The following ZNF106 variants were observed in gnomAD, a reference collection of about 807,000 sequenced individuals.
ZNF106 encodes SH3-domain binding protein 3.
A neutral mutation model predicts 195.1 loss-of-function variants in ZNF106; 67 were observed. The ratio of observed to expected loss-of-function variants is 0.34; its 90% confidence interval spans 0.28 to 0.42. The LOEUF (loss-of-function observed/expected upper bound fraction) is 0.42, where lower values mean the gene tolerates loss of function less well. Ranked by LOEUF, ZNF106 falls within the 10% of genes least tolerant of loss-of-function variation. The probability of loss-of-function intolerance (pLI) is 1.00; values close to 1 mark genes in which losing one functional copy is unlikely to be tolerated. For missense variants in ZNF106, 2,118 were observed against 2,304.5 expected (o/e 0.92, Z 1.66); for synonymous variants, 784 against 818.6 (o/e 0.96, Z 0.72).
At chr15:42,434,945 GTATT>G (rs897947081) in intron 14 of ZNF106, among the ~76,000 whole-genome samples, 5 of 151,810 alleles carry the variant, frequency 3.3e-5, no homozygotes, top group Admixed American at 2.6e-4. Context: ...GGCTAATTTT[GTATT>G]TTTAGTAGAG....
chr15:42,449,321 T>C (rs1007112698), intron 5 of ZNF106, among the ~76,000 whole-genome samples: 5 of 152,194 alleles, frequency 3.3e-5, no homozygotes, highest in Admixed American at 6.5e-5. Context: ...ATAAAGATAA[T>C]GCCCAGAGTA....
Position 42,438,632 on chromosome 15 carries a change from T to A in ZNF106, c.4580A>T (p.Lys1527Ile). 1 of 1,613,794 alleles carries A rather than the reference T, an allele frequency of 6.2e-7. No individual in the cohort carries two copies. Among genetic ancestry groups the A allele is most frequent in the Non-Finnish European group, 8.5e-7 (1 of 1,179,802 alleles). The change falls in exon 12 of 22, where the codon AAA (lysine) becomes ATA (isoleucine). Residue 1527 changes from lysine (K) to isoleucine (I), a missense_variant. Coordinates refer to ENST00000564754, the MANE Select transcript of ZNF106 (RefSeq NM_001366845.3). ...AETQTVISSI[K>I]GSKNSSEISS... ...AATACCTGAAGAATTCTTTGATCCT[T>A]TTATGGAGGAGATCACAGTCTGAGT...
At chr15:42,459,139 T>G (rs747537020) in intron 3 of ZNF106, among the ~76,000 whole-genome samples, 2 of 152,160 alleles carry the variant, frequency 1.3e-5, no homozygotes, top group Non-Finnish European at 2.9e-5. Flanking sequence ...ACATTATTTT[T>G]ACTGAGGGTT....
intron 5 of ZNF106, 39 bp downstream of exon 5, chr15:42,449,732 A>G: frequency 6.4e-7 from 1 of 1,564,080 alleles, no homozygotes; most frequent in Non-Finnish European, 8.6e-7. Flanking sequence ...ACTTTAAAAG[A>G]AAGTGAGGAA....
chr15:42,423,647 G>A (rs1479216784), intron 17 of ZNF106, among the ~76,000 whole-genome samples: 1 of 152,102 alleles, frequency 6.6e-6, no homozygotes, highest in Non-Finnish European at 1.5e-5. Context: ...TGAGTAGCTG[G>A]CATTACAGGT....
intron 14 of ZNF106, among the ~76,000 whole-genome samples, chr15:42,434,332 A>AAAAC (rs532640462): frequency 8.5e-5 from 13 of 152,182 alleles, no homozygotes; most frequent in African/African-American, 3.1e-4. Flanking sequence ...TAAAAAACAA[A>AAAAC]AAACAAACAA....
At position 42,439,816 on chromosome 15, in the gene ZNF106, G is replaced by A; in HGVS notation, c.3764-3C>T. The stretch of plus-strand genomic sequence containing the variant: ...TGGACAACTGTCACTGATCTCTCCT[G>A]AATTGAGAGGAAAAAAATTATTGCA... On this transcript the variant is annotated splice_region_variant and splice_polypyrimidine_tract_variant and intron_variant, in intron 10 of 21. Coordinates refer to ENST00000564754, the MANE Select transcript of ZNF106 (RefSeq NM_001366845.3). 2.0e-6 allele frequency: 3 copies of A among 1,501,690 alleles called. No homozygotes were observed. Among genetic ancestry groups the A allele is most frequent in the Non-Finnish European group, 1.8e-6 (2 of 1,129,774 alleles). The allele number at this position is 1,501,690 out of a possible 1,614,324, so 93.0% of individuals were successfully genotyped here.
Position 42,417,285 on chromosome 15 carries a change from A to G in ZNF106, c.*19T>C, listed in dbSNP as rs2054490073. The G allele has an allele frequency of 1.2e-6, 2 of 1,614,068 alleles. No homozygotes were observed. Among genetic ancestry groups the G allele is most frequent in the South Asian group, 2.2e-5 (2 of 91,086 alleles). On this transcript the variant is annotated 3_prime_UTR_variant, in exon 22 of 22. Coordinates refer to ENST00000564754, the MANE Select transcript of ZNF106 (RefSeq NM_001366845.3). ...AAATAGTTCAACTAATGACTTCCCA[A>G]CGTGGGAGGCAAAAAACTTCATGAA...
At chr15:42,420,272 C>T (rs2054611209) in intron 20 of ZNF106, among the ~76,000 whole-genome samples, 1 of 152,106 alleles carries the variant, frequency 6.6e-6, no homozygotes, top group African/African-American at 2.4e-5. Context: ...CCATCTTGCC[C>T]AGATGTGAAC....
At chr15:42,418,496 G>T (rs1322590159) in intron 20 of ZNF106, among the ~76,000 whole-genome samples, 2 of 143,476 alleles carry the variant, frequency 1.4e-5, no homozygotes, top group African/African-American at 5.2e-5. Context: ...CTCCCAAATA[G>T]TTGGGATTAC....
At position 42,442,377 on chromosome 15, in the gene ZNF106, G is replaced by A. The variant is rs373544952; in HGVS notation, c.3459C>T (p.Pro1153=). 1.9e-6 allele frequency: 3 copies of A among 1,614,056 alleles called. No homozygotes were observed. Among genetic ancestry groups the A allele is most frequent in the Non-Finnish European group, 1.7e-6 (2 of 1,179,936 alleles). The change falls in exon 10 of 22, where the codon CCC becomes CCT. Residue 1153 remains proline (P), a synonymous_variant. Coordinates refer to ENST00000564754, the MANE Select transcript of ZNF106 (RefSeq NM_001366845.3). Reference sequence around the variant, plus strand: ...TCCTTCGTTCTCGTGTGAGGCTACAGGGAACCTGGTCTGGGTGCTCAGAAG... The same window carrying A: ...TCCTTCGTTCTCGTGTGAGGCTACAAGGAACCTGGTCTGGGTGCTCAGAAG... ...YEPSEHPDQV[P]CSLTRERRNS...
In ZNF106 at chr15:42,439,223, G is replaced by T. The variant is rs1310008902; in HGVS notation, c.4354C>A (p.Pro1452Thr). ...GCTACTACTTCTAACTGAGGATTAG[G>T]AATTTCTAGGACTTCCAGAGACGAG... Reference protein sequence around the residue: ...SDSSLEVLEIPNPQLEVVAID... With the variant: ...SDSSLEVLEITNPQLEVVAID... Residue 1452 changes from proline (P) to threonine (T), a missense_variant, in exon 11 of 22, where the codon CCT becomes ACT. Physicochemically the swap from Pro to Thr is conservative, Grantham distance 38 (BLOSUM62 -1). Transcript: ENST00000564754. 4 of 1,613,982 alleles carry T rather than the reference G, an allele frequency of 2.5e-6. No homozygotes were observed. In the African/African-American group the frequency reaches 4.0e-5, roughly 16 times the overall value.
chr15:42,422,602 T>G lies in ZNF106; in HGVS notation c.5272A>C (p.Ile1758Leu). 6.2e-7 allele frequency: 1 copy of G among 1,612,384 alleles called. No individual in the cohort carries two copies. The highest frequency in any genetic ancestry group is 8.5e-7 in the Non-Finnish European group (1 of 1,179,628). ...ACTGCATGATTGTGACCTTTATAGA[T>G]CCGCACGAGCTCACCAGTCTATGTC... is the stretch of plus-strand genomic sequence containing the variant. ...HNIHTGELVR[I>L]YKGHNHAVTV... The change falls in exon 18 of 22, where the codon ATC becomes CTC. Residue 1758 changes from isoleucine to leucine, a missense_variant. Transcript: ENST00000564754.
At position 42,457,309 on chromosome 15, in the gene ZNF106, TTAA is replaced by T; in HGVS notation, c.117-154_117-152del. Reference sequence around the variant, plus strand: ...AATTTCAATGCTCCTTTCATCACTTTTAATAAGTTTGTTTATAAGTTACTTTTG... The same window carrying T: ...AATTTCAATGCTCCTTTCATCACTTTTAAGTTTGTTTATAAGTTACTTTTG... On this transcript the variant is annotated intron_variant, in intron 3 of 21. Transcript: ENST00000564754. 3 of 1,505,994 alleles carry T rather than the reference TTAA, an allele frequency of 2.0e-6. No individual in the cohort carries two copies. In the Middle Eastern group the frequency reaches 5.4e-4, roughly 270 times the overall value. 93.3% of individuals were successfully genotyped at this position (1,505,994 alleles called of 1,614,324 possible). A position where few individuals can be genotyped will look rare whatever the true frequency, so the allele number is the denominator to read the frequency against.
At position 42,451,815 on chromosome 15, in the gene ZNF106, G is replaced by A. The variant is rs766273465; in HGVS notation, c.457C>T (p.Arg153Trp). 9.9e-6 allele frequency: 16 copies of A among 1,613,968 alleles called. No individual in the cohort carries two copies. The highest frequency in any genetic ancestry group is 5.0e-5 in the Admixed American group (3 of 60,000). The change falls in exon 5 of 22, where the codon CGG becomes TGG. Residue 153 changes from arginine to tryptophan, a missense_variant. Arg to Trp is a moderately radical substitution (Grantham distance 101). Transcript: ENST00000564754. ...PAWHHRGPPQ[R>W]DWKWEKDGFN... is the part of the protein sequence containing the mutation. ...CCATCTTTTTCCCATTTCCAATCCC[G>A]CTGTGGAGGTCCACGATGATGCCAT...
intron 14 of ZNF106, among the ~76,000 whole-genome samples, chr15:42,430,224 TA>T (rs749378943): frequency 6.6e-6 from 1 of 152,092 alleles, no homozygotes; most frequent in Non-Finnish European, 1.5e-5. Context: ...AAAAGCCTTT[TA>T]AAAGAGTTTT....
At chr15:42,426,724 A>G (rs2054873028) in intron 15 of ZNF106, among the ~76,000 whole-genome samples, 1 of 152,112 alleles carries the variant, frequency 6.6e-6, no homozygotes, top group South Asian at 2.1e-4. Context: ...ACTTCTGATA[A>G]TCTCACGAAA....
Position 42,415,327 on chromosome 15 carries a change from G to A in ZNF106, c.*1977C>T, listed in dbSNP as rs2054410533. ...AATAGAGACGGGGTTTCACTATGTT[G>A]GCCAGGCTGGTCTCAAATGCCTGAC... On this transcript the variant is annotated 3_prime_UTR_variant, in exon 22 of 22. Coordinates refer to ENST00000564754, the MANE Select transcript of ZNF106 (RefSeq NM_001366845.3). 1 of 410,342 alleles carries A rather than the reference G, an allele frequency of 2.4e-6. No homozygotes were observed. Among genetic ancestry groups the A allele is most frequent in the Admixed American group, 2.8e-5 (1 of 36,178 alleles). 25.4% of individuals were successfully genotyped at this position (410,342 alleles called of 1,614,324 possible). A position where few individuals can be genotyped will look rare whatever the true frequency, so the allele number is the denominator to read the frequency against.
At chr15:42,482,719 C>T (rs892289170) in intron 1 of ZNF106, among the ~76,000 whole-genome samples, 8 of 151,740 alleles carry the variant, frequency 5.3e-5, no homozygotes, top group Non-Finnish European at 8.8e-5. Context: ...TTAGTAGAGA[C>T]GGGGTTTCAC....
Sources: allele counts gnomAD v4.1 joint callset (sites outside exome capture counted in the v4.1 genomes callset), GRCh38; gene constraint gnomAD v4.1.1; transcripts MANE v1.5; gene names NCBI Gene and HGNC (gene_info 2026-07-23, HGNC 2026-07-21).